RSC1A1: variants seen among roughly 807,000 people sequenced by gnomAD.
The protein encoded by RSC1A1 is regulatory solute carrier protein family 1 member 1.
In RSC1A1, 6 loss-of-function variants were observed where a neutral mutation model predicts 7.7. That is an observed-to-expected ratio of 0.78 (90% CI 0.43 to 1.53). The LOEUF (loss-of-function observed/expected upper bound fraction) is 1.53. Among genes scored for constraint, RSC1A1 ranks in the 40% most tolerant of loss-of-function variants. RSC1A1 has a pLI of 0.01. For synonymous variants in RSC1A1, 250 were observed against 263.0 expected, an observed-to-expected ratio of 0.95 and a Z score of 0.48; for missense variants, 729 against 726.3, an observed-to-expected ratio of 1.00 and a Z score of -0.04.
In RSC1A1 at chr1:15,661,652, A is replaced by T; in HGVS notation, c.1784A>T (p.His595Leu). The T allele has an allele frequency of 6.2e-7, 1 of 1,614,166 alleles. No homozygotes were observed. Among genetic ancestry groups the T allele is most frequent in the Non-Finnish European group, 8.5e-7 (1 of 1,180,034 alleles). ...FTLQEALGAL[H>L]RVGGNADLAL... ...TTGCAGGAAGCTCTTGGAGCTTTGC[A>T]TCGAGTTGGTGGGAATGCAGACCTT... The change falls in exon 1 of 1, where the codon CAT becomes CTT. Residue 595 changes from histidine to leucine, a missense_variant. Physicochemically the swap from His to Leu is moderately conservative, Grantham distance 99 (BLOSUM62 -3). Coordinates refer to ENST00000345034, the MANE Select transcript of RSC1A1 (RefSeq NM_006511.3).
rs374921628 is a variant in RSC1A1 at position 15,659,846 on chromosome 1, G to C, written c.-23G>C. 5 of 1,534,004 alleles carry C rather than the reference G, an allele frequency of 3.3e-6. No homozygotes were observed. Among genetic ancestry groups the C allele is most frequent in the Non-Finnish European group, 1.7e-6 (2 of 1,146,576 alleles). ...CCTGTGTTCCATATAGAGAAAAGTG[G>C]TAAAGAATCTACCTCACTGGGAATG... On this transcript the variant is annotated 5_prime_UTR_variant, in exon 1 of 1. Transcript: ENST00000345034.
rs965507485 is a variant in RSC1A1, at chr1:15,661,789, C to G, written c.*67C>G. 1 of 1,506,082 alleles carries G rather than the reference C, an allele frequency of 6.6e-7. No homozygotes were observed. The highest frequency in any genetic ancestry group is 2.3e-5 in the East Asian group (1 of 43,266). 93.3% of individuals were successfully genotyped at this position (1,506,082 alleles called of 1,614,324 possible). ...CAAAAGAAAGCTCTCTCTATATACACGCACACATACACACTCACCACATAT... is the reference window on the plus strand; with the variant it reads ...CAAAAGAAAGCTCTCTCTATATACAGGCACACATACACACTCACCACATAT... On this transcript the variant is annotated 3_prime_UTR_variant, in exon 1 of 1. Coordinates refer to ENST00000345034, the MANE Select transcript of RSC1A1 (RefSeq NM_006511.3).
In RSC1A1 at chr1:15,659,821, CCT is replaced by C; in HGVS notation, c.-47_-46del. The C allele has an allele frequency of 6.7e-7, 1 of 1,501,470 alleles. No individual in the cohort carries two copies. The highest frequency in any genetic ancestry group is 1.8e-4 in the Middle Eastern group (1 of 5,574). The allele number at this position is 1,501,470 out of a possible 1,614,324, so 93.0% of individuals were successfully genotyped here. A position where few individuals can be genotyped will look rare whatever the true frequency, so the allele number is the denominator to read the frequency against. The stretch of plus-strand genomic sequence containing the variant: ...CTGCTAATTAATCTTTTTCCTTTCC[CCT>C]GTGTTCCATATAGAGAAAAGTGGTA... On this transcript the variant is annotated 5_prime_UTR_variant, in exon 1 of 1. Coordinates refer to ENST00000345034, the MANE Select transcript of RSC1A1 (RefSeq NM_006511.3).
rs1045444033 is a variant in RSC1A1 at position 15,660,313 on chromosome 1, G to A, written c.445G>A (p.Glu149Lys). 2.4e-5 allele frequency: 38 copies of A among 1,614,052 alleles called. No homozygotes were observed. The highest frequency in any genetic ancestry group is 2.9e-5 in the Non-Finnish European group (34 of 1,180,044). Reference protein sequence around the residue: ...RMHEPQMFLGEKDWHPENQNL... With the variant: ...RMHEPQMFLGKKDWHPENQNL... ...GCATGAACCACAGATGTTTCTAGGT[G>A]AAAAGGATTGGCATCCAGAAAATCA... Residue 149 changes from glutamate (E) to lysine (K), a missense_variant, in exon 1 of 1, where the codon GAA becomes AAA. Glu to Lys is a moderately conservative substitution (Grantham distance 56, BLOSUM62 1). Transcript: ENST00000345034.
Position 15,661,713 on chromosome 1 carries a change from T to C in RSC1A1, c.1845T>C (p.Val615=), listed in dbSNP as rs2148309405. 1.9e-6 allele frequency: 3 copies of C among 1,609,202 alleles called. No homozygotes were observed. The highest frequency in any genetic ancestry group is 2.5e-6 in the Non-Finnish European group (3 of 1,176,900). The part of the protein sequence containing the change: ...LLVLLAKNIV[V]PT Reference sequence around the variant, plus strand: ...TTTTGCTCGCAAAAAACATCGTAGTTCCTACATGACTGTGGGAAAGTGGGC... The same window carrying C: ...TTTTGCTCGCAAAAAACATCGTAGTCCCTACATGACTGTGGGAAAGTGGGC... Residue 615 remains valine (V), a synonymous_variant, in exon 1 of 1, where the codon GTT becomes GTC. Transcript: ENST00000345034.
chr1:15,661,808 C>A lies in RSC1A1; in HGVS notation c.*86C>A. ...TATACACGCACACATACACACTCAC[C>A]ACATATACAGTATATATAGAAACCT... On this transcript the variant is annotated 3_prime_UTR_variant, in exon 1 of 1. Transcript: ENST00000345034. 2.1e-6 allele frequency: 3 copies of A among 1,457,490 alleles called. No individual in the cohort carries two copies. The highest frequency in any genetic ancestry group is 2.7e-6 in the Non-Finnish European group (3 of 1,099,930). 90.3% of individuals were successfully genotyped at this position (1,457,490 alleles called of 1,614,324 possible).
rs1217569631 is a variant in RSC1A1 at position 15,660,125 on chromosome 1, A to G, written c.257A>G (p.His86Arg). The stretch of plus-strand genomic sequence containing the variant: ...TCTGATCATGCTTCCTCAGCAGACC[A>G]TGCTCCAACAGACCAGAGTCCAGCT... Reference protein sequence around the residue: ...DLSDHASSADHAPTDQSPAMP... With the variant: ...DLSDHASSADRAPTDQSPAMP... The change falls in exon 1 of 1, where the codon CAT becomes CGT. Residue 86 changes from histidine (H) to arginine (R), a missense_variant. Transcript: ENST00000345034. The G allele has an allele frequency of 5.0e-6, 8 of 1,614,118 alleles. No homozygotes were observed. Among genetic ancestry groups the G allele is most frequent in the Non-Finnish European group, 6.8e-6 (8 of 1,180,058 alleles).
chr1:15,660,341 A>G lies in RSC1A1; in HGVS notation c.473A>G (p.Asn158Ser). 2 of 1,614,162 alleles carry G rather than the reference A, an allele frequency of 1.2e-6. No homozygotes were observed. Among genetic ancestry groups the G allele is most frequent in the Non-Finnish European group, 1.7e-6 (2 of 1,180,034 alleles). ...AAGGATTGGCATCCAGAAAATCAGA[A>G]CCTGAGTCAAGTGAGTGACCCTCAG... ...GEKDWHPENQ[N>S]LSQVSDPQQH... The change falls in exon 1 of 1, where the codon AAC becomes AGC. Residue 158 changes from asparagine (N) to serine (S), a missense_variant. By Grantham distance (46) the Asn-to-Ser change is conservative (BLOSUM62 1). Transcript: ENST00000345034.
In RSC1A1 at chr1:15,659,784, G is replaced by C. The variant is rs1024431383; in HGVS notation, c.-85G>C. 4.8e-6 allele frequency: 7 copies of C among 1,465,462 alleles called. No individual in the cohort carries two copies. In the African/African-American group the frequency reaches 9.9e-5, roughly 21 times the overall value. 90.8% of individuals were successfully genotyped at this position (1,465,462 alleles called of 1,614,324 possible). A position where few individuals can be genotyped will look rare whatever the true frequency, so the allele number is the denominator to read the frequency against. Reference sequence around the variant, plus strand: ...GATTTGTATCCTCTGGTAATTTAGTGGCATTAGTCACCTGCTAATTAATCT... The same window carrying C: ...GATTTGTATCCTCTGGTAATTTAGTCGCATTAGTCACCTGCTAATTAATCT... On this transcript the variant is annotated 5_prime_UTR_variant, in exon 1 of 1. Transcript: ENST00000345034.
rs778011204 is a variant in RSC1A1, at chr1:15,660,172, G to A, written c.304G>A (p.Glu102Lys). Residue 102 changes from glutamate to lysine, a missense_variant, in exon 1 of 1, where the codon GAA becomes AAA. Physicochemically the swap from Glu to Lys is moderately conservative, Grantham distance 56 (BLOSUM62 1). Coordinates refer to ENST00000345034, the MANE Select transcript of RSC1A1 (RefSeq NM_006511.3). The stretch of plus-strand genomic sequence containing the variant: ...AGCTATGCCTATGCAGAATTCATCC[G>A]AAGAAATAACTGTTGCAGGTAATCT... ...SPAMPMQNSSEEITVAGNLEK... is the reference protein window; with the variant it reads ...SPAMPMQNSSKEITVAGNLEK... 2.1e-5 allele frequency: 34 copies of A among 1,614,032 alleles called. No homozygotes were observed. Among genetic ancestry groups the A allele is most frequent in the Admixed American group, 6.7e-5 (4 of 59,996 alleles).
rs770647934 is a variant in RSC1A1, at chr1:15,661,038, C to A, written c.1170C>A (p.Thr390=). 2 of 1,614,122 alleles carry A rather than the reference C, an allele frequency of 1.2e-6. No individual in the cohort carries two copies. The highest frequency in any genetic ancestry group is 2.2e-5 in the South Asian group (2 of 91,074). ...CAGAAACCATAGCTGAGGGCCAAAC[C>A]AGTATTAAAGACCTTTCTGAAAGAT... ...CQSETIAEGQ[T]SIKDLSERWT... Residue 390 remains threonine, a synonymous_variant, in exon 1 of 1, where the codon ACC becomes ACA. Transcript: ENST00000345034.
At position 15,660,351 on chromosome 1, in the gene RSC1A1, A is replaced by G. The variant is rs763545670; in HGVS notation, c.483A>G (p.Gln161=). The part of the protein sequence containing the change: ...DWHPENQNLS[Q]VSDPQQHEEP... The stretch of plus-strand genomic sequence containing the variant: ...ATCCAGAAAATCAGAACCTGAGTCA[A>G]GTGAGTGACCCTCAGCAGCACGAAG... The change falls in exon 1 of 1, where the codon CAA becomes CAG. Residue 161 remains glutamine, a synonymous_variant. Coordinates refer to ENST00000345034, the MANE Select transcript of RSC1A1 (RefSeq NM_006511.3). The G allele has an allele frequency of 1.9e-6, 3 of 1,614,190 alleles. No individual in the cohort carries two copies. Among genetic ancestry groups the G allele is most frequent in the Non-Finnish European group, 1.7e-6 (2 of 1,180,032 alleles).
Position 15,660,033 on chromosome 1 carries a change from T to C in RSC1A1, c.165T>C (p.Ala55=), listed in dbSNP as rs1640338621. 22 of 1,614,096 alleles carry C rather than the reference T, an allele frequency of 1.4e-5. No homozygotes were observed. Among genetic ancestry groups the C allele is most frequent in the Non-Finnish European group, 1.9e-5 (22 of 1,180,008 alleles). The change falls in exon 1 of 1, where the codon GCT becomes GCC. Residue 55 remains alanine, a synonymous_variant. Transcript: ENST00000345034. ...GCATTGAACCTAAAGCTGTGAAGGC[T>C]TTGAAGGCTTCAGCTGAATTCCAGC... ...SDRIEPKAVK[A]LKASAEFQLN...
Position 15,659,738 on chromosome 1 carries a change from T to C in RSC1A1, c.-131T>C, listed in dbSNP as rs1640329953. ...AAGAGAAACCCGAGTTTGAGGACCT[T>C]ATTTTATTCTACGCTGTTTAGATTT... On this transcript the variant is annotated 5_prime_UTR_variant, in exon 1 of 1. Transcript: ENST00000345034. 1 of 1,272,608 alleles carries C rather than the reference T, an allele frequency of 7.9e-7. No individual in the cohort carries two copies. The highest frequency in any genetic ancestry group is 2.0e-5 in the South Asian group (1 of 49,522). The allele number at this position is 1,272,608 out of a possible 1,614,324, so 78.8% of individuals were successfully genotyped here. A position where few individuals can be genotyped will look rare whatever the true frequency, so the allele number is the denominator to read the frequency against.
At chr1:15,660,215 GA>G in the RSC1A1 span, 1 of 1,614,188 alleles carries the variant, frequency 6.2e-7, no homozygotes, top group Non-Finnish European at 8.5e-7. Flanking sequence ...TCTGCTGAAA[GA>G]AGCACCCAGG....
rs761264316 is a variant in RSC1A1, at chr1:15,661,113, C to G, written c.1245C>G (p.Ser415=). The part of the protein sequence containing the change: ...LTQNEQCPQV[S]FHQAISVSVE... ...AGAATGAACAGTGTCCACAAGTCTC[C>G]TTTCATCAGGCCATATCTGTATCAG... Residue 415 remains serine (S), a synonymous_variant, in exon 1 of 1, where the codon TCC becomes TCG. Transcript: ENST00000345034. 6.2e-7 allele frequency: 1 copy of G among 1,613,800 alleles called. No individual in the cohort carries two copies. The highest frequency in any genetic ancestry group is 1.1e-5 in the South Asian group (1 of 91,014).
At position 15,660,802 on chromosome 1, in the gene RSC1A1, C is replaced by T; in HGVS notation, c.934C>T (p.Pro312Ser). 2 of 1,614,050 alleles carry T rather than the reference C, an allele frequency of 1.2e-6. No individual in the cohort carries two copies. Among genetic ancestry groups the T allele is most frequent in the Non-Finnish European group, 1.7e-6 (2 of 1,180,012 alleles). ...TTCCATTTCCACTCAGGATTTACAG[C>T]CCCCAGAAACTAATGTTGAAATACC... ...NDSISTQDLQ[P>S]PETNVEIPGT... Residue 312 changes from proline (P) to serine (S), a missense_variant, in exon 1 of 1, where the codon CCC becomes TCC. By Grantham distance (74) the Pro-to-Ser change is moderately conservative. Transcript: ENST00000345034.
In RSC1A1 at chr1:15,660,222, C is replaced by G; in HGVS notation, c.354C>G (p.Thr118=). Residue 118 remains threonine, a synonymous_variant, in exon 1 of 1, where the codon ACC becomes ACG. Transcript: ENST00000345034. ...GNLEKSAERS[T]QGLKFHLHTR... ...TGGAGAAATCTGCTGAAAGAAGCAC[C>G]CAGGGCCTCAAATTTCATCTCCATA... 2 of 1,614,106 alleles carry G rather than the reference C, an allele frequency of 1.2e-6. No individual in the cohort carries two copies. Among genetic ancestry groups the G allele is most frequent in the Non-Finnish European group, 1.7e-6 (2 of 1,180,028 alleles).
Position 15,661,744 on chromosome 1 carries a change from C to T in RSC1A1, c.*22C>T, listed in dbSNP as rs184048113. 2.7e-5 allele frequency: 42 copies of T among 1,580,512 alleles called. No homozygotes were observed. In the East Asian group the frequency reaches 5.8e-4, roughly 22 times the overall value. The stretch of plus-strand genomic sequence containing the variant: ...ATGACTGTGGGAAAGTGGGCTAGAC[C>T]GTTCTCCATTCCCTTTAAACAAAAG... On this transcript the variant is annotated 3_prime_UTR_variant, in exon 1 of 1. Coordinates refer to ENST00000345034, the MANE Select transcript of RSC1A1 (RefSeq NM_006511.3).
Sources: gnomAD v4.1 joint callset for allele counts on GRCh38, gnomAD v4.1.1 for gene constraint, MANE v1.5 for transcripts, NCBI Gene and HGNC (gene_info 2026-07-23, HGNC 2026-07-21) for gene names.